PITPNC1: variants seen among roughly 807,000 people sequenced by gnomAD.
PITPNC1 encodes cytoplasmic phosphatidylinositol transfer protein 1.
PITPNC1 carries 18 observed loss-of-function variants against 44.7 expected under a neutral mutation model. That is an observed-to-expected ratio of 0.40 (90% CI 0.28 to 0.60). PITPNC1 has a LOEUF of 0.60. PITPNC1 is among the 20% of genes least tolerant of loss of function. The pLI is 0.39. For synonymous variants in PITPNC1, 141 were observed against 149.6 expected, an observed-to-expected ratio of 0.94 and a Z score of 0.42; for missense variants, 290 against 418.4, an observed-to-expected ratio of 0.69 and a Z score of 2.68.
At chr17:67,408,686 C>A (rs1381222801) in intron 1 of PITPNC1, 2 of 30,502 alleles carry the variant, frequency 6.6e-5, no homozygotes, top group African/African-American at 1.4e-4. Context: ...TTCTTCCTTC[C>A]TTCCTTCCTT....
At chr17:67,502,729 T>TATTGC (rs1265926396) in intron 1 of PITPNC1, among the ~76,000 whole-genome samples, 152 of 145,424 alleles carry the variant, frequency 1.0e-3, no homozygotes, top group South Asian at 5.2e-3. Context: ...GAAGTAAGAT[T>TATTGC]ATTGCATTGC....
rs563771184 is a variant in PITPNC1 at position 67,452,705 on chromosome 17, A to G, written c.48+74503A>G. Among the ~76,000 whole-genome samples the G allele has an allele frequency of 7.7e-4, 117 of 151,862 alleles. 2 individuals are homozygous for G. The South Asian group carries it at 0.024, about 31-fold the overall frequency. ...ACAGGGTTTCACCATGTTGGCCAGGATGGTCACGAACTCCTCATGATCCAC... is the reference window on the plus strand; with the variant it reads ...ACAGGGTTTCACCATGTTGGCCAGGGTGGTCACGAACTCCTCATGATCCAC... On this transcript the variant is annotated intron_variant, in intron 1 of 8. Transcript: ENST00000581322.
In PITPNC1 at chr17:67,695,709, A is replaced by G. The variant is rs564074178; in HGVS notation, c.*2821A>G. On this transcript the variant is annotated 3_prime_UTR_variant, in exon 9 of 9. Transcript: ENST00000581322. ...AGCCAAACTTAAATAAATAATCCAT[A>G]GAATATCACATACGTTCACTCCATC... 1 of 151,972 alleles carries G rather than the reference A, an allele frequency of 6.6e-6. No homozygotes were observed. The highest frequency in any genetic ancestry group is 1.5e-5 in the Non-Finnish European group (1 of 67,948). 9.4% of individuals were successfully genotyped at this position (151,972 alleles called of 1,614,324 possible). A position where few individuals can be genotyped will look rare whatever the true frequency, so the allele number is the denominator to read the frequency against.
chr17:67,680,047 C>G (rs1426235375), intron 8 of PITPNC1, among the ~76,000 whole-genome samples: 2 of 152,090 alleles, frequency 1.3e-5, no homozygotes, highest in Non-Finnish European at 2.9e-5. Context: ...ATGAAAGTGA[C>G]TTAGAAATCA....
chr17:67,613,494 C>T (rs549671508), intron 5 of PITPNC1: 2 of 152,256 alleles, frequency 1.3e-5, no homozygotes, highest in Admixed American at 1.3e-4. Flanking sequence ...AGGTCTTAAA[C>T]ATGTAACAGT....
intron 4 of PITPNC1, among the ~76,000 whole-genome samples, chr17:67,558,340 G>A (rs562715685): frequency 6.6e-6 from 1 of 152,158 alleles, no homozygotes; most frequent in Non-Finnish European, 1.5e-5. Context: ...CAGTTTCACA[G>A]AGGACAGACC....
intron 8 of PITPNC1, among the ~76,000 whole-genome samples, chr17:67,689,879 C>A (rs79697047): frequency 0.014 from 2,175 of 152,280 alleles, 53 homozygotes; most frequent in African/African-American, 0.05. Context: ...TTCTCAGTCT[C>A]AACTTTATTG....
intron 5 of PITPNC1, among the ~76,000 whole-genome samples, chr17:67,583,367 G>T (rs2041260782): frequency 6.6e-6 from 1 of 151,920 alleles, no homozygotes. Flanking sequence ...GCGGGAGGAT[G>T]GCTTGAGCTC....
intron 6 of PITPNC1, among the ~76,000 whole-genome samples, chr17:67,652,083 A>G (rs557627658): frequency 6.6e-6 from 1 of 152,348 alleles, no homozygotes; most frequent in East Asian, 1.9e-4. Context: ...GTTCCTGCTT[A>G]GCCTTTTTTC....
intron 5 of PITPNC1, among the ~76,000 whole-genome samples, chr17:67,591,613 C>A (rs975579257): frequency 1.2e-4 from 18 of 152,036 alleles, no homozygotes; most frequent in African/African-American, 4.1e-4. Flanking sequence ...AAAGGGTGTT[C>A]AGGGATTTTC....
At chr17:67,554,506 C>T (rs1290516851) in intron 4 of PITPNC1, among the ~76,000 whole-genome samples, 2 of 152,144 alleles carry the variant, frequency 1.3e-5, no homozygotes, top group East Asian at 1.9e-4. Context: ...GATCCGCCCA[C>T]CTTGGCTTCC....
intron 1 of PITPNC1, among the ~76,000 whole-genome samples, chr17:67,495,223 A>AT (rs2039935958): frequency 6.6e-6 from 1 of 150,686 alleles, no homozygotes; most frequent in Non-Finnish European, 1.5e-5. Context: ...GGCCCGGCTA[A>AT]TTTTTTTGTA....
rs150299811 is a variant in PITPNC1 at position 67,408,578 on chromosome 17, C to G, written c.48+30376C>G. The stretch of plus-strand genomic sequence containing the variant: ...TTGATGAAGTTCAGTGTTTCCCTTC[C>G]CTTTCCCTTTCCCTTTTCCTTTCCC... On this transcript the variant is annotated intron_variant, in intron 1 of 8. Coordinates refer to ENST00000581322, the MANE Select transcript of PITPNC1 (RefSeq NM_012417.4). 2.0e-3 allele frequency among the ~76,000 whole-genome samples: 305 copies of G among 151,948 alleles called. 2 individuals are homozygous for G. Among genetic ancestry groups the G allele is most frequent in the African/African-American group, 7.1e-3 (295 of 41,472 alleles).
At chr17:67,482,425 C>T (rs1386274895) in intron 1 of PITPNC1, among the ~76,000 whole-genome samples, 1 of 152,120 alleles carries the variant, frequency 6.6e-6, no homozygotes. Flanking sequence ...CACATTACCT[C>T]CTTCACAATA....
intron 1 of PITPNC1, among the ~76,000 whole-genome samples, chr17:67,461,745 C>T (rs2143974339): frequency 6.6e-6 from 1 of 152,308 alleles, no homozygotes; most frequent in South Asian, 2.1e-4. Flanking sequence ...GGGCAGAAGT[C>T]TGAGGCTGCA....
chr17:67,505,762 A>C (rs1374762917), intron 1 of PITPNC1, among the ~76,000 whole-genome samples: 1 of 152,120 alleles, frequency 6.6e-6, no homozygotes, highest in African/African-American at 2.4e-5. Flanking sequence ...GACGTGAGCC[A>C]CCGCGCCCAG....
chr17:67,478,418 C>T (rs1281673739), intron 1 of PITPNC1, among the ~76,000 whole-genome samples: 3 of 152,202 alleles, frequency 2.0e-5, no homozygotes. Context: ...AGTCCCTGTT[C>T]AACCTCTTTT....
At chr17:67,575,232 G>T (rs1175229065) in intron 4 of PITPNC1, among the ~76,000 whole-genome samples, 1 of 136,582 alleles carries the variant, frequency 7.3e-6, no homozygotes, top group Non-Finnish European at 1.6e-5. Flanking sequence ...CTCAGCCAGG[G>T]CATCCCCCCA....
intron 7 of PITPNC1, among the ~76,000 whole-genome samples, chr17:67,672,396 C>T (rs990928001): frequency 2.6e-5 from 4 of 151,252 alleles, no homozygotes; most frequent in Admixed American, 6.6e-5. Flanking sequence ...AGGAGTAGTT[C>T]GAGACCAGCC....
Sources: gnomAD v4.1 joint callset for allele counts (sites outside exome capture counted in the v4.1 genomes callset) on GRCh38, gnomAD v4.1.1 for gene constraint, MANE v1.5 for transcripts, NCBI Gene and HGNC (gene_info 2026-07-23, HGNC 2026-07-21) for gene names.